The following NECAP2 variants were observed in gnomAD, a reference collection of about 807,000 sequenced individuals.
NECAP2 encodes adaptin ear-binding coat-associated protein 2.
A neutral mutation model predicts 37.8 loss-of-function variants in NECAP2; 38 were observed. That is an observed-to-expected ratio of 1.01 (90% CI 0.78 to 1.32). NECAP2 has a LOEUF of 1.32. NECAP2 is among the 40% of genes most tolerant of loss of function. The pLI, the probability that NECAP2 is intolerant of heterozygous loss-of-function variation, is 0.00. For synonymous variants in NECAP2, 121 were observed against 127.7 expected (o/e 0.95, Z 0.35); for missense variants, 316 against 334.5 (o/e 0.94, Z 0.43).
chr1:16,452,086 T>C, intron 6 of NECAP2, 71 bp downstream of exon 6: 10 of 1,444,152 alleles, frequency 6.9e-6, no homozygotes, highest in Non-Finnish European at 9.3e-6. Flanking sequence ...CCAGGCCCCA[T>C]GGTTTCCCCC....
chr1:16,449,992 TG>T (rs1405973250), intron 5 of NECAP2: 2 of 306,250 alleles, frequency 6.5e-6, no homozygotes, highest in African/African-American at 4.5e-5. Context: ...TTTTTGTTTT[TG>T]CTAGGAATAC....
At chr1:16,449,223 C>T (rs772515706) in intron 5 of NECAP2, 22 bp downstream of exon 5, 2 of 1,561,334 alleles carry the variant, frequency 1.3e-6, no homozygotes, top group South Asian at 1.1e-5. Flanking sequence ...CCTTGCTTGG[C>T]TGTGGTGACG....
Position 16,455,892 on chromosome 1 carries a change from G to A in NECAP2, c.742G>A (p.Gly248Arg). The A allele has an allele frequency of 1.9e-6, 3 of 1,613,534 alleles. No homozygotes were observed. Among genetic ancestry groups the A allele is most frequent in the South Asian group, 1.1e-5 (1 of 91,058 alleles). ...DIWGDFTKST[G>R]STSSQTQPGT... ...CTGGGGAGACTTTACCAAATCTACA[G>A]GGTAAGGAGGGCCATGTTCTGCGGA... is the stretch of plus-strand genomic sequence containing the variant. Residue 248 changes from glycine to arginine, a missense_variant and splice_region_variant, in exon 7 of 8, where the codon GGA (glycine) becomes AGA (arginine). This residue lies in a region of NECAP2 where 204 missense variants were observed against 188.6 expected (regional missense o/e 1.08). Coordinates refer to ENST00000337132, the MANE Select transcript of NECAP2 (RefSeq NM_018090.5).
intron 1 of NECAP2, among the ~76,000 whole-genome samples, chr1:16,442,130 C>T (rs954143367): frequency 1.3e-5 from 2 of 151,244 alleles, no homozygotes; most frequent in African/African-American, 4.9e-5. Flanking sequence ...AGCCATACAC[C>T]ACCACACCCG....
At chr1:16,446,291 G>C (rs1473880852) in intron 2 of NECAP2, among the ~76,000 whole-genome samples, 1 of 152,162 alleles carries the variant, frequency 6.6e-6, no homozygotes, top group Non-Finnish European at 1.5e-5. Flanking sequence ...CACCAGCCAG[G>C]TGTGGTGACT....
At chr1:16,456,014 G>GTTT in intron 7 of NECAP2, 121 bp downstream of exon 7, 1 of 563,722 alleles carries the variant, frequency 1.8e-6, no homozygotes, top group Non-Finnish European at 3.0e-6. Flanking sequence ...TAATTTGGAT[G>GTTT]TTTTCTTTTC....
In NECAP2 at chr1:16,459,069, C is replaced by T. The variant is rs11543230; in HGVS notation, c.*179C>T. On this transcript the variant is annotated 3_prime_UTR_variant, in exon 8 of 8. Transcript: ENST00000337132. ...TTGGCAGTAAATTGGCACCGTGTCA[C>T]ACTGTTTCCTGGGATTCAAGTATGC... The T allele has an allele frequency of 0.099, 140,980 of 1,422,562 alleles. 8,213 individuals carry two copies. Among genetic ancestry groups the T allele is most frequent in the Non-Finnish European group, 0.12 (124,968 of 1,056,412 alleles). 88.1% of individuals were successfully genotyped at this position (1,422,562 alleles called of 1,614,324 possible).
At chr1:16,447,747 G>C in intron 2 of NECAP2, 123 bp from the exon 3 acceptor site, 2 of 733,616 alleles carry the variant, frequency 2.7e-6, no homozygotes, top group Non-Finnish European at 4.9e-6. Flanking sequence ...CCCACAGTAA[G>C]GTTTGCCGAT....
chr1:16,447,990 G>T lies in NECAP2; in HGVS notation c.298+16G>T. ...GATGGAAATGGTAGGCATGGGTCCT[G>T]GTGCTTCCTCCTCTTGGGAAAGGTT... On this transcript the variant is annotated intron_variant, in intron 3 of 7. Coordinates refer to ENST00000337132, the MANE Select transcript of NECAP2 (RefSeq NM_018090.5). 1.2e-6 allele frequency: 2 copies of T among 1,613,812 alleles called. No homozygotes were observed. Among genetic ancestry groups the T allele is most frequent in the Non-Finnish European group, 1.7e-6 (2 of 1,179,698 alleles).
At chr1:16,444,082 G>T (rs144521098) in intron 2 of NECAP2, among the ~76,000 whole-genome samples, 32 of 152,302 alleles carry the variant, frequency 2.1e-4, no homozygotes, top group Middle Eastern at 6.8e-3. Context: ...CTGCCGCTGG[G>T]CTCTGCTTCC....
chr1:16,457,388 T>C (rs2086936550), intron 7 of NECAP2, among the ~76,000 whole-genome samples: 1 of 151,936 alleles, frequency 6.6e-6, no homozygotes, highest in African/African-American at 2.4e-5. Flanking sequence ...ACCCGGGAGA[T>C]TGCAGTCAGC....
At chr1:16,448,342 C>G (rs578053675) in intron 4 of NECAP2, 6 of 613,430 alleles carry the variant, frequency 9.8e-6, no homozygotes, top group African/African-American at 9.2e-5. Context: ...AGGCTCATCT[C>G]TACCATCCCA....
chr1:16,441,019 G>T, intron 1 of NECAP2, 166 bp downstream of exon 1: 1 of 600,512 alleles, frequency 1.7e-6, no homozygotes, highest in South Asian at 2.0e-5. Context: ...GGTGGATCCA[G>T]AGTTTCGCCC....
At chr1:16,455,958 G>A in intron 7 of NECAP2, 65 bp downstream of exon 7, 3 of 1,159,944 alleles carry the variant, frequency 2.6e-6, no homozygotes, top group South Asian at 1.2e-5. Flanking sequence ...ACCTGGTATT[G>A]TTCCACATGC....
chr1:16,445,947 G>A (rs564381354), intron 2 of NECAP2, among the ~76,000 whole-genome samples: 72 of 152,132 alleles, frequency 4.7e-4, no homozygotes, highest in African/African-American at 1.7e-3. Flanking sequence ...GTGGCTCACC[G>A]CCTGTAATCC....
intron 7 of NECAP2, among the ~76,000 whole-genome samples, chr1:16,456,180 C>A (rs1396010040): frequency 6.6e-6 from 1 of 152,012 alleles, no homozygotes; most frequent in African/African-American, 2.4e-5. Context: ...CCTGCCACCA[C>A]GCCTGGCTAA....
In NECAP2 at chr1:16,443,711, A is replaced by C; in HGVS notation, c.172A>C (p.Lys58Gln). 6.2e-7 allele frequency: 1 copy of C among 1,612,858 alleles called. No homozygotes were observed. The highest frequency in any genetic ancestry group is 1.1e-5 in the South Asian group (1 of 90,540). The change falls in exon 2 of 8, where the codon AAG becomes CAG. Residue 58 changes from lysine (K) to glutamine (Q), a missense_variant. Physicochemically the swap from Lys to Gln is moderately conservative, Grantham distance 53 (BLOSUM62 1). Transcript: ENST00000337132. The stretch of plus-strand genomic sequence containing the variant: ...TGCAAAGGGACAGATGGCCTACATC[A>C]AGCTGGAGGACAGGACGTCAGGTAA... Reference protein sequence around the residue: ...ITAKGQMAYIKLEDRTSGELF... With the variant: ...ITAKGQMAYIQLEDRTSGELF...
intron 5 of NECAP2, chr1:16,449,493 G>A: frequency 3.0e-6 from 1 of 331,664 alleles, no homozygotes; most frequent in Non-Finnish European, 5.5e-6. Flanking sequence ...GCAGCCCATA[G>A]TTGTGGGAAC....
Position 16,459,104 on chromosome 1 carries a change from A to C in NECAP2, c.*214A>C, listed in dbSNP as rs183312859. On this transcript the variant is annotated 3_prime_UTR_variant, in exon 8 of 8. Transcript: ENST00000337132. ...TGGGATTCAAGTATGCAACCAGAAC[A>C]CAGGAGAAGAAAAGCTCCAGGATCC... 129 of 1,121,816 alleles carry C rather than the reference A, an allele frequency of 1.1e-4. No homozygotes were observed. The African/African-American group carries it at 2.0e-3, about 17-fold the overall frequency. The allele number at this position is 1,121,816 out of a possible 1,614,324, so 69.5% of individuals were successfully genotyped here.
Sources: gnomAD v4.1 joint callset for allele counts (sites outside exome capture counted in the v4.1 genomes callset) on GRCh38, gnomAD v4.1.1 for gene constraint, gnomAD v4.1.1 regional missense constraint, MANE v1.5 for transcripts, NCBI Gene and HGNC (gene_info 2026-07-23, HGNC 2026-07-21) for gene names.